IL1RAPL1: variants seen among roughly 807,000 people sequenced by gnomAD.
IL1RAPL1 encodes the protein interleukin 1 receptor accessory protein like 1.
Under a neutral mutation model 48.4 loss-of-function variants are expected in IL1RAPL1, and 3 were observed. The observed-to-expected ratio is 0.06, with a 90% CI of 0.03 to 0.16. The LOEUF is 0.16. Among genes scored for constraint, IL1RAPL1 ranks in the 10% least tolerant of loss-of-function variants. IL1RAPL1 has a pLI of 1.00. For missense variants in IL1RAPL1, 349 were observed against 530.6 expected, an observed-to-expected ratio of 0.66 and a Z score of 3.36; for synonymous variants, 185 against 187.7, an observed-to-expected ratio of 0.99 and a Z score of 0.12.
chrX:29,493,270 T>C (rs1027857747), intron 5 of IL1RAPL1, among the ~76,000 whole-genome samples: 20 of 112,042 alleles, frequency 1.8e-4, no homozygotes, highest in African/African-American at 5.8e-4. Flanking sequence ...CCCAAATCTC[T>C]AGGCAACTCT....
chrX:28,769,426 GA>G (rs1936287160), intron 1 of IL1RAPL1, among the ~76,000 whole-genome samples: 2 of 110,994 alleles, frequency 1.8e-5, no homozygotes, highest in African/African-American at 6.5e-5. Context: ...AACTCTCAAT[GA>G]AGGAATGACA....
intron 2 of IL1RAPL1, among the ~76,000 whole-genome samples, chrX:29,179,691 G>T (rs1930104050): frequency 8.9e-6 from 1 of 111,756 alleles, no homozygotes; most frequent in African/African-American, 3.3e-5. Flanking sequence ...AACGCATGCT[G>T]AGTTTGAATA....
chrX:29,836,259 T>C (rs113801427), intron 6 of IL1RAPL1, among the ~76,000 whole-genome samples: 4,577 of 106,204 alleles, frequency 0.043, 305 homozygotes, highest in African/African-American at 0.15. Context: ...GGCATGATCT[T>C]GGCTCACCAC....
At chrX:29,699,702 G>C (rs1927004054) in intron 6 of IL1RAPL1, among the ~76,000 whole-genome samples, 1 of 111,869 alleles carries the variant, frequency 8.9e-6, no homozygotes, top group African/African-American at 3.2e-5. Flanking sequence ...TCAAGACTTT[G>C]TTCTGACGTT....
chrX:28,785,220 G>A (rs960229350), intron 1 of IL1RAPL1, among the ~76,000 whole-genome samples: 1 of 111,744 alleles, frequency 8.9e-6, no homozygotes, highest in East Asian at 2.8e-4. Flanking sequence ...AACCTCTGGG[G>A]CTTAAGTGAT....
chrX:29,048,520 C>T lies in IL1RAPL1; in HGVS notation c.83-234418C>T, dbSNP rs1268582770. ...AGCATACAAATCTTTTATTTACTATCAACCTACTTAGTCTACTTGTTGAGA... is the reference window on the plus strand; with the variant it reads ...AGCATACAAATCTTTTATTTACTATTAACCTACTTAGTCTACTTGTTGAGA... On this transcript the variant is annotated intron_variant, in intron 2 of 10. Coordinates refer to ENST00000378993, the MANE Select transcript of IL1RAPL1 (RefSeq NM_014271.4). Among the ~76,000 whole-genome samples the T allele has an allele frequency of 8.9e-5, 10 of 111,919 alleles. No homozygotes were observed. The East Asian group carries it at 2.8e-3, about 31-fold the overall frequency.
chrX:28,596,155 G>T (rs1322374136), intron 1 of IL1RAPL1, among the ~76,000 whole-genome samples: 1 of 111,458 alleles, frequency 9.0e-6, no homozygotes, highest in Non-Finnish European at 1.9e-5. Flanking sequence ...AAACACTTAC[G>T]GATAACAGGT....
rs145006320 is a variant in IL1RAPL1 at position 29,282,978 on chromosome X, T to C, written c.123T>C (p.Tyr41=). 14 of 1,209,524 alleles carry C rather than the reference T, an allele frequency of 1.2e-5. No homozygotes were observed. Among genetic ancestry groups the C allele is most frequent in the South Asian group, 3.5e-5 (2 of 56,807 alleles). ...CTDWSIDIKK[Y]QVLVGEPVRI... Reference sequence around the variant, plus strand: ...ACTGGTCTATCGATATCAAGAAATATCAAGTTTTGGTGGGAGAGCCTGTTC... The same window carrying C: ...ACTGGTCTATCGATATCAAGAAATACCAAGTTTTGGTGGGAGAGCCTGTTC... The change falls in exon 3 of 11, where the codon TAT becomes TAC. Residue 41 remains tyrosine, a synonymous_variant. Coordinates refer to ENST00000378993, the MANE Select transcript of IL1RAPL1 (RefSeq NM_014271.4).
chrX:29,220,251 C>T (rs1310032063), intron 2 of IL1RAPL1, among the ~76,000 whole-genome samples: 1 of 111,915 alleles, frequency 8.9e-6, no homozygotes, highest in Admixed American at 9.5e-5. Flanking sequence ...TTTTGCTGTT[C>T]ATGTTATAGA....
At chrX:29,898,061 A>G in intron 6 of IL1RAPL1, among the ~76,000 whole-genome samples, 2 of 112,139 alleles carry the variant, frequency 1.8e-5, no homozygotes, top group South Asian at 7.4e-4. Context: ...AGTAACTGAG[A>G]TATGTCACAA....
intron 2 of IL1RAPL1, among the ~76,000 whole-genome samples, chrX:29,252,065 T>G: frequency 2.0e-5 from 2 of 100,469 alleles, no homozygotes; most frequent in African/African-American, 8.2e-5. Flanking sequence ...AATTGAACAA[T>G]GAGAACACGT....
At chrX:29,065,280 A>G (rs937530023) in intron 2 of IL1RAPL1, among the ~76,000 whole-genome samples, 1 of 111,099 alleles carries the variant, frequency 9.0e-6, no homozygotes, top group Non-Finnish European at 1.9e-5. Context: ...TTAAAAGATA[A>G]CTTTACTACA....
intron 2 of IL1RAPL1, among the ~76,000 whole-genome samples, chrX:29,107,428 G>GA (rs1928470424): frequency 8.9e-6 from 1 of 111,861 alleles, no homozygotes; most frequent in Non-Finnish European, 1.9e-5. Context: ...TATCTGCATT[G>GA]AAAACACTTT....
rs190493524 is a variant in IL1RAPL1, at chrX:29,303,667, A to G, written c.362+20450A>G. 9.7e-3 allele frequency among the ~76,000 whole-genome samples: 1,083 copies of G among 111,766 alleles called. 6 individuals are homozygous for G. Among genetic ancestry groups the G allele is most frequent in the Middle Eastern group, 0.028 (6 of 215 alleles). Reference sequence around the variant, plus strand: ...AAACCAAAGTGTCAGTAAGCCTTGTACAAAATTTTAACTTTTAAATAGAAA... The same window carrying G: ...AAACCAAAGTGTCAGTAAGCCTTGTGCAAAATTTTAACTTTTAAATAGAAA... On this transcript the variant is annotated intron_variant, in intron 3 of 10. Transcript: ENST00000378993.
At chrX:28,597,496 C>T (rs993800872) in intron 1 of IL1RAPL1, among the ~76,000 whole-genome samples, 12 of 111,166 alleles carry the variant, frequency 1.1e-4, no homozygotes, top group African/African-American at 1.6e-4. Context: ...CTTTGGGAGG[C>T]GGAGGCAGGC....
chrX:29,130,663 A>C (rs1929001213), intron 2 of IL1RAPL1, among the ~76,000 whole-genome samples: 1 of 111,906 alleles, frequency 8.9e-6, no homozygotes, highest in Non-Finnish European at 1.9e-5. Context: ...CTAAGATACA[A>C]AATTTACAGT....
chrX:29,168,555 G>GTATATATATATATA (rs751368369), intron 2 of IL1RAPL1, among the ~76,000 whole-genome samples: 13 of 52,483 alleles, frequency 2.5e-4, no homozygotes, highest in Non-Finnish European at 4.2e-4. Flanking sequence ...GTATTCAATT[G>GTATATATATATATA]TATATATATA....
chrX:29,458,020 TC>T (rs1934759776), intron 5 of IL1RAPL1, among the ~76,000 whole-genome samples: 2 of 112,152 alleles, frequency 1.8e-5, no homozygotes, highest in Admixed American at 1.9e-4. Context: ...CCCCAAGTGA[TC>T]CACCTGCCTC....
chrX:29,378,703 A>T (rs952598994), intron 3 of IL1RAPL1, among the ~76,000 whole-genome samples: 1 of 112,437 alleles, frequency 8.9e-6, no homozygotes, highest in Non-Finnish European at 1.9e-5. Context: ...AATAACGGTC[A>T]GTAGATAGGC....
Sources: gnomAD v4.1 joint callset for allele counts (sites outside exome capture counted in the v4.1 genomes callset) on GRCh38, gnomAD v4.1.1 for gene constraint, MANE v1.5 for transcripts, NCBI Gene and HGNC (gene_info 2026-07-23, HGNC 2026-07-21) for gene names.